PIAS1: variants seen among roughly 807,000 people sequenced by gnomAD.
PIAS1 encodes the protein E3 SUMO-protein ligase PIAS1.
A neutral mutation model predicts 71.3 loss-of-function variants in PIAS1; 6 were observed. The observed-to-expected ratio is 0.08, with a 90% CI of 0.05 to 0.17. The LOEUF (loss-of-function observed/expected upper bound fraction) is 0.17. Among genes scored for constraint, PIAS1 ranks in the 10% least tolerant of loss-of-function variants. The pLI is 1.00. For missense variants in PIAS1, 555 were observed against 793.6 expected (o/e 0.70, Z 3.61); for synonymous variants, 303 against 292.9 (o/e 1.03, Z -0.35).
At chr15:68,138,836 A>T (rs1194925902) in intron 2 of PIAS1, among the ~76,000 whole-genome samples, 1 of 152,168 alleles carries the variant, frequency 6.6e-6, no homozygotes, top group Non-Finnish European at 1.5e-5. Context: ...GAAGATTTGG[A>T]CAGTGAGTAA....
At chr15:68,085,647 A>G (rs57192082) in intron 1 of PIAS1, among the ~76,000 whole-genome samples, 3,279 of 152,226 alleles carry the variant, frequency 0.022, 107 homozygotes, top group African/African-American at 0.076. Context: ...AAGTTATCTA[A>G]CCTTTCTGAA....
At chr15:68,066,558 TC>T (rs1389800047) in intron 1 of PIAS1, among the ~76,000 whole-genome samples, 6 of 152,238 alleles carry the variant, frequency 3.9e-5, no homozygotes, top group Admixed American at 1.3e-4. Flanking sequence ...TTTGTTTTTT[TC>T]CTTTCCCTTT....
chr15:68,068,363 A>G (rs1408977549), intron 1 of PIAS1, among the ~76,000 whole-genome samples: 4 of 152,184 alleles, frequency 2.6e-5, no homozygotes, highest in African/African-American at 4.8e-5. Flanking sequence ...AGCATGGCCA[A>G]TATATGTGCT....
intron 2 of PIAS1, among the ~76,000 whole-genome samples, chr15:68,092,463 G>A (rs373663915): frequency 7.2e-5 from 11 of 152,216 alleles, no homozygotes; most frequent in Middle Eastern, 3.4e-3. Context: ...GTGAGCCACC[G>A]CACCCAGCTG....
At chr15:68,090,333 G>A (rs995184225) in intron 2 of PIAS1, among the ~76,000 whole-genome samples, 3 of 151,942 alleles carry the variant, frequency 2.0e-5, no homozygotes, top group African/African-American at 7.3e-5. Context: ...CTCCCAAGTA[G>A]TTGAGACCAC....
At chr15:68,151,960 T>TTTGTG (rs1205506383) in intron 6 of PIAS1, among the ~76,000 whole-genome samples, 4 of 110,974 alleles carry the variant, frequency 3.6e-5, no homozygotes, top group African/African-American at 6.9e-5. Context: ...TTTTTTTTTT[T>TTTGTG]GGGGGGGGAG....
At chr15:68,087,499 T>G (rs1043287752) in intron 2 of PIAS1, among the ~76,000 whole-genome samples, 9 of 152,168 alleles carry the variant, frequency 5.9e-5, no homozygotes, top group African/African-American at 1.9e-4. Context: ...TAAATGCTGG[T>G]TTGTTGGCAT....
chr15:68,154,067 C>G (rs1443550591), intron 7 of PIAS1: 1 of 162,966 alleles, frequency 6.1e-6, no homozygotes, highest in Non-Finnish European at 1.3e-5. Context: ...CCTGCATTTA[C>G]AAAGTGAAGA....
At chr15:68,083,475 C>G (rs1213886948) in intron 1 of PIAS1, among the ~76,000 whole-genome samples, 1 of 152,138 alleles carries the variant, frequency 6.6e-6, no homozygotes, top group Non-Finnish European at 1.5e-5. Flanking sequence ...AATCCACATT[C>G]TTTTCTTATC....
chr15:68,133,707 G>GT (rs2092702010), intron 2 of PIAS1, among the ~76,000 whole-genome samples: 2 of 72 alleles, frequency 0.028, 1 homozygote, highest in African/African-American at 0.028. Context: ...TTTTTTTTTT[G>GT]TTTTTTTAAT....
At chr15:68,055,054 C>CT (rs1273661118) in intron 1 of PIAS1, 2 of 212,252 alleles carry the variant, frequency 9.4e-6, no homozygotes, top group African/African-American at 4.7e-5. Flanking sequence ...CTCTTTCTCT[C>CT]TGATTCCGGG....
rs67774530 is a variant in PIAS1 at position 68,182,490 on chromosome 15, CGT to C, written c.1625-1115_1625-1114del. 7.2e-3 allele frequency among the ~76,000 whole-genome samples: 887 copies of C among 123,338 alleles called. 36 individuals are homozygous for C. The highest frequency in any genetic ancestry group is 0.031 in the East Asian group (140 of 4,500). The allele number at this position is 123,338 out of a possible 152,430, so 80.9% of individuals were successfully genotyped here. On this transcript the variant is annotated intron_variant, in intron 12 of 13. Coordinates refer to ENST00000249636, the MANE Select transcript of PIAS1 (RefSeq NM_016166.3). ...AGTTTTGCTCTTATTGCTCAGGCTG[CGT>C]GTGTGTGTGTGTGTGTGTGTGTGTC...
At chr15:68,137,224 A>T (rs1165268900) in intron 2 of PIAS1, among the ~76,000 whole-genome samples, 1 of 152,240 alleles carries the variant, frequency 6.6e-6, no homozygotes, top group Non-Finnish European at 1.5e-5. Flanking sequence ...ACAAACCTTT[A>T]AGCCCAAAGA....
chr15:68,098,754 C>T (rs775799021), intron 2 of PIAS1, among the ~76,000 whole-genome samples: 3 of 152,118 alleles, frequency 2.0e-5, no homozygotes, highest in Middle Eastern at 3.4e-3. Flanking sequence ...GCAATAGATT[C>T]GTTGGATTCT....
chr15:68,178,853 ATTTAC>A lies in PIAS1; in HGVS notation c.1481+2203_1481+2207del, dbSNP rs1021232997. ...GGAATCTAATATTTCTTCTTTGGAT[ATTTAC>A]TTTGCTCTTTCTCCAAAAATATTTG... On this transcript the variant is annotated intron_variant, in intron 11 of 13. Coordinates refer to ENST00000249636, the MANE Select transcript of PIAS1 (RefSeq NM_016166.3). This position sits in a 1 kb window ranked among gnomAD's most constrained non-coding sequence, Gnocchi z 4.2. 3.3e-5 allele frequency among the ~76,000 whole-genome samples: 5 copies of A among 152,160 alleles called. No individual in the cohort carries two copies. Among genetic ancestry groups the A allele is most frequent in the African/African-American group, 1.2e-4 (5 of 41,450 alleles).
At chr15:68,126,554 T>C (rs2092651833) in intron 2 of PIAS1, among the ~76,000 whole-genome samples, 1 of 152,326 alleles carries the variant, frequency 6.6e-6, no homozygotes, top group Non-Finnish European at 1.5e-5. Flanking sequence ...GTGATTCTTA[T>C]GCCTCAGCCT....
intron 2 of PIAS1, among the ~76,000 whole-genome samples, chr15:68,125,954 C>T (rs931845471): frequency 2.0e-5 from 3 of 152,218 alleles, no homozygotes; most frequent in Non-Finnish European, 4.4e-5. Flanking sequence ...CTGCCCTAGC[C>T]TCCCAAAGTG....
At chr15:68,118,071 A>G (rs2141016768) in intron 2 of PIAS1, among the ~76,000 whole-genome samples, 2 of 152,240 alleles carry the variant, frequency 1.3e-5, no homozygotes, top group Admixed American at 1.3e-4. Context: ...TCACGCCTGT[A>G]ATCCCAGCAC....
intron 6 of PIAS1, among the ~76,000 whole-genome samples, chr15:68,151,489 C>G (rs1283071607): frequency 6.6e-6 from 1 of 151,828 alleles, no homozygotes; most frequent in Non-Finnish European, 1.5e-5. Flanking sequence ...AAGCATTAAG[C>G]AAGTAAATAA....
Sources: gnomAD v4.1 joint callset for allele counts (sites outside exome capture counted in the v4.1 genomes callset) on GRCh38, gnomAD v4.1.1 for gene constraint, Gnocchi (gnomAD v3.1) non-coding constraint, MANE v1.5 for transcripts, NCBI Gene and HGNC (gene_info 2026-07-23, HGNC 2026-07-21) for gene names.